The following GRB10 variants were observed in gnomAD, a reference collection of about 807,000 sequenced individuals.
GRB10 encodes the protein growth factor receptor bound protein 10, also known as growth factor receptor-bound protein 10.
A neutral mutation model predicts 80.9 loss-of-function variants in GRB10; 20 were observed. The observed-to-expected ratio is 0.25, with a 90% CI of 0.17 to 0.36. The LOEUF (loss-of-function observed/expected upper bound fraction) is 0.36, where lower values mean the gene tolerates loss of function less well. GRB10 is among the 10% of genes least tolerant of loss of function. The pLI, the probability that GRB10 is intolerant of heterozygous loss-of-function variation, is 1.00. For missense variants in GRB10, 548 were observed against 747.7 expected (o/e 0.73, Z 3.12); for synonymous variants, 291 against 291.5 (o/e 1.00, Z 0.02).
At chr7:50,637,163 G>A (rs994529766) in intron 7 of GRB10, among the ~76,000 whole-genome samples, 13 of 152,096 alleles carry the variant, frequency 8.5e-5, no homozygotes, top group African/African-American at 2.9e-4. Context: ...GTACTTTAGA[G>A]ATGAGGTCTC....
At chr7:50,654,764 C>G (rs1164890392) in intron 7 of GRB10, among the ~76,000 whole-genome samples, 1 of 152,174 alleles carries the variant, frequency 6.6e-6, no homozygotes, top group Non-Finnish European at 1.5e-5. Context: ...CTTTCCCTAC[C>G]TACCTAGGAG....
intron 7 of GRB10, among the ~76,000 whole-genome samples, chr7:50,636,691 A>G (rs947341544): frequency 6.6e-6 from 1 of 152,164 alleles, no homozygotes; most frequent in African/African-American, 2.4e-5. Context: ...CCCTTCATGA[A>G]AAAAACCCTC....
rs571879058 is a variant in GRB10 at position 50,761,333 on chromosome 7, G to A, written c.-216-5277C>T. Among the ~76,000 whole-genome samples the A allele has an allele frequency of 3.9e-4, 59 of 152,276 alleles. 1 individual carries two copies. The South Asian group carries it at 0.012, about 32-fold the overall frequency. On this transcript the variant is annotated intron_variant, in intron 2 of 18. Transcript: ENST00000401949. ...ATTTTGATTCTTTCAATCACTTGCT[G>A]GAACAGATTTTATCATTTCCTTTTA...
chr7:50,636,003 C>T (rs753171566), intron 7 of GRB10, among the ~76,000 whole-genome samples: 6 of 99,974 alleles, frequency 6.0e-5, no homozygotes, highest in African/African-American at 1.6e-4. Context: ...GACAGAGTCT[C>T]ATTCTGTCTC....
At chr7:50,614,409 T>C (rs1382250259) in intron 12 of GRB10, among the ~76,000 whole-genome samples, 1 of 152,122 alleles carries the variant, frequency 6.6e-6, no homozygotes, top group South Asian at 2.1e-4. Flanking sequence ...CTCAGTACCA[T>C]GCAGGCAACC....
chr7:50,680,600 G>T (rs1422874692), intron 5 of GRB10, among the ~76,000 whole-genome samples: 1 of 152,164 alleles, frequency 6.6e-6, no homozygotes, highest in Non-Finnish European at 1.5e-5. Flanking sequence ...GGACCCACAG[G>T]CCACATGGGC....
rs546835974 is a variant in GRB10 at position 50,671,340 on chromosome 7, G to A, written c.363-1477C>T. ...TACGATTTCACAAAATCAACAATCC[G>A]TTAGCTTTCCCAGGAGATTTGCCAC... On this transcript the variant is annotated intron_variant, in intron 6 of 18. Coordinates refer to ENST00000401949, the MANE Select transcript of GRB10 (RefSeq NM_001350814.2). 5.3e-5 allele frequency among the ~76,000 whole-genome samples: 8 copies of A among 152,216 alleles called. No individual in the cohort carries two copies. In the East Asian group the frequency reaches 1.3e-3, roughly 26 times the overall value.
chr7:50,591,869 A>G lies in GRB10; in HGVS notation c.*1083T>C, dbSNP rs966668532. The G allele has an allele frequency of 3.3e-5, 5 of 152,182 alleles. No homozygotes were observed. Among genetic ancestry groups the G allele is most frequent in the Non-Finnish European group, 7.3e-5 (5 of 68,044 alleles). 9.4% of individuals were successfully genotyped at this position (152,182 alleles called of 1,614,324 possible). ...GCAGCGTTTCCTTGTCTTTATCACT[A>G]TGGAAACCCATGAGACACAGCACGA... On this transcript the variant is annotated 3_prime_UTR_variant, in exon 19 of 19. Transcript: ENST00000401949.
intron 2 of GRB10, among the ~76,000 whole-genome samples, chr7:50,774,162 G>T (rs754965984): frequency 6.6e-6 from 1 of 152,230 alleles, no homozygotes; most frequent in South Asian, 2.1e-4. Flanking sequence ...AATCTATGCA[G>T]ACAGAAAGTA....
At chr7:50,672,304 G>A (rs1051773208) in intron 6 of GRB10, among the ~76,000 whole-genome samples, 3 of 152,266 alleles carry the variant, frequency 2.0e-5, no homozygotes, top group East Asian at 1.9e-4. Flanking sequence ...TTACCGCCCC[G>A]CTGTGCCACG....
At chr7:50,705,662 T>C (rs1020405273) in intron 4 of GRB10, among the ~76,000 whole-genome samples, 21 of 152,196 alleles carry the variant, frequency 1.4e-4, no homozygotes, top group Admixed American at 1.2e-3. Context: ...CTTCCACATA[T>C]TGTGTTTTAA....
chr7:50,655,745 G>A (rs2715143), intron 7 of GRB10, among the ~76,000 whole-genome samples: 134,978 of 152,224 alleles, frequency 0.89, 59,950 homozygotes, highest in East Asian at 0.93. Context: ...TCTCTTCCTG[G>A]GACACCTAAG....
chr7:50,609,359 G>A (rs897640360), intron 13 of GRB10, among the ~76,000 whole-genome samples: 3 of 152,156 alleles, frequency 2.0e-5, no homozygotes, highest in African/African-American at 4.8e-5. Flanking sequence ...AAATTAATAT[G>A]TGCCAGATTA....
At chr7:50,641,904 C>T (rs1018002438) in intron 7 of GRB10, among the ~76,000 whole-genome samples, 2 of 152,122 alleles carry the variant, frequency 1.3e-5, no homozygotes, top group Admixed American at 6.5e-5. Context: ...GAGGCAAGGG[C>T]GTGGGAAGGC....
At chr7:50,594,127 CA>C (rs1349161035) in intron 18 of GRB10, among the ~76,000 whole-genome samples, 5 of 152,132 alleles carry the variant, frequency 3.3e-5, no homozygotes, top group Non-Finnish European at 5.9e-5. Context: ...TTCCCTAGGA[CA>C]GTAATTCCTG....
chr7:50,674,100 G>A (rs2060640784), intron 6 of GRB10, among the ~76,000 whole-genome samples: 1 of 152,184 alleles, frequency 6.6e-6, no homozygotes, highest in African/African-American at 2.4e-5. Flanking sequence ...AGGACTTGGG[G>A]CATGCAATCA....
At chr7:50,614,947 G>A in intron 11 of GRB10, 67 bp from the exon 12 acceptor site, 1 of 964,742 alleles carries the variant, frequency 1.0e-6, no homozygotes, top group Non-Finnish European at 1.7e-6. Flanking sequence ...ACCTCTGGTA[G>A]ACAGAGGGCA....
chr7:50,704,065 C>T, intron 4 of GRB10, among the ~76,000 whole-genome samples, 157 bp from the exon 5 acceptor site: 1 of 152,198 alleles, frequency 6.6e-6, no homozygotes, highest in East Asian at 1.9e-4. Flanking sequence ...TTGTTGAAAA[C>T]AGACTGCATA....
chr7:50,746,471 C>T (rs1026257755), intron 3 of GRB10, among the ~76,000 whole-genome samples: 7 of 152,048 alleles, frequency 4.6e-5, no homozygotes, highest in Non-Finnish European at 8.8e-5. Flanking sequence ...TACCTAAGAC[C>T]GGGATTCTAA....
Sources: allele counts gnomAD v4.1 joint callset (sites outside exome capture counted in the v4.1 genomes callset), GRCh38; gene constraint gnomAD v4.1.1; transcripts MANE v1.5; gene names NCBI Gene and HGNC (gene_info 2026-07-23, HGNC 2026-07-21).